Variants in PLA2G7 observed in about 807,000 individuals in gnomAD.
PLA2G7 encodes the protein platelet-activating factor acetylhydrolase.
A neutral mutation model predicts 49.6 loss-of-function variants in PLA2G7; 63 were observed. The observed-to-expected ratio is 1.27, with a 90% CI of 1.04 to 1.57. The LOEUF (loss-of-function observed/expected upper bound fraction) is 1.57, where lower values mean the gene tolerates loss of function less well. Among genes scored for constraint, PLA2G7 ranks in the 40% most tolerant of loss-of-function variants. The probability of loss-of-function intolerance (pLI) is 0.00; values close to 1 mark genes in which losing one functional copy is unlikely to be tolerated. For missense variants in PLA2G7, 596 were observed against 521.2 expected, an observed-to-expected ratio of 1.14 and a Z score of -1.40; for synonymous variants, 193 against 169.9, an observed-to-expected ratio of 1.14 and a Z score of -1.06.
At chr6:46,719,589 C>T (rs920832746) in intron 2 of PLA2G7, among the ~76,000 whole-genome samples, 1 of 152,052 alleles carries the variant, frequency 6.6e-6, no homozygotes, top group African/African-American at 2.4e-5. Context: ...ATGAACAAAC[C>T]CTGTGAATTG....
At chr6:46,733,362 C>A (rs1367965069) in intron 1 of PLA2G7, among the ~76,000 whole-genome samples, 1 of 152,204 alleles carries the variant, frequency 6.6e-6, no homozygotes, top group African/African-American at 2.4e-5. Context: ...CCCTTCCACA[C>A]CTCAGAAGGG....
chr6:46,710,541 T>G lies in PLA2G7; in HGVS notation c.777+4A>C. 1 of 1,545,806 alleles carries G rather than the reference T, an allele frequency of 6.5e-7. No individual in the cohort carries two copies. Among genetic ancestry groups the G allele is most frequent in the Non-Finnish European group, 8.9e-7 (1 of 1,117,834 alleles). On this transcript the variant is annotated splice_donor_region_variant and intron_variant, in intron 8 of 11. Transcript: ENST00000274793. The stretch of plus-strand genomic sequence containing the variant: ...CAAGAGAAAAATTACTTTTTATAGC[T>G]TACCTTCAGTTGTTCCATATCAAAC...
chr6:46,726,491 C>A (rs1241179347), intron 1 of PLA2G7, among the ~76,000 whole-genome samples: 1 of 152,120 alleles, frequency 6.6e-6, no homozygotes, highest in Non-Finnish European at 1.5e-5. Context: ...TATTTAAGAA[C>A]TAGGACCCTG....
intron 10 of PLA2G7, among the ~76,000 whole-genome samples, chr6:46,707,475 G>T (rs922767804): frequency 7.2e-5 from 11 of 152,170 alleles, no homozygotes; most frequent in African/African-American, 2.4e-4. Flanking sequence ...GTTTCTCATG[G>T]TTTCACACCA....
At chr6:46,734,215 C>T (rs1765818992) in intron 1 of PLA2G7, among the ~76,000 whole-genome samples, 1 of 152,024 alleles carries the variant, frequency 6.6e-6, no homozygotes, top group African/African-American at 2.4e-5. Context: ...ATCTGGCCGG[C>T]AGGGGGATGC....
chr6:46,717,879 A>C (rs1194455076), intron 2 of PLA2G7, among the ~76,000 whole-genome samples: 4 of 151,786 alleles, frequency 2.6e-5, no homozygotes, highest in Non-Finnish European at 5.9e-5. Flanking sequence ...CACCATGCCC[A>C]GCTAATTTTT....
rs144067869 is a variant in PLA2G7, at chr6:46,709,433, A to G, written c.778-15T>C. On this transcript the variant is annotated splice_polypyrimidine_tract_variant and intron_variant, in intron 8 of 11. Coordinates refer to ENST00000274793, the MANE Select transcript of PLA2G7 (RefSeq NM_005084.4). ...TCAATAGAGTCCTATTTGAAAAAGC[A>G]TGATATAAATTTATAGCTATTTCGT... 1,215 of 1,385,988 alleles carry G rather than the reference A, an allele frequency of 8.8e-4. 1 individual carries two copies. Among genetic ancestry groups the G allele is most frequent in the Non-Finnish European group, 1.2e-3 (1,130 of 972,628 alleles). 85.9% of individuals were successfully genotyped at this position (1,385,988 alleles called of 1,614,324 possible).
At chr6:46,713,912 T>G (rs1308680493) in intron 5 of PLA2G7, among the ~76,000 whole-genome samples, 1 of 152,202 alleles carries the variant, frequency 6.6e-6, no homozygotes, top group Non-Finnish European at 1.5e-5. Flanking sequence ...TACAGGACTC[T>G]TGATAAGCAA....
intron 9 of PLA2G7, 26 bp from the exon 10 acceptor site, chr6:46,708,187 A>AAATTAAAC (rs1764895782): frequency 1.3e-6 from 2 of 1,575,330 alleles, no homozygotes; most frequent in African/African-American, 1.3e-5. Context: ...GACAATGATG[A>AAATTAAAC]AATTAAACTG....
chr6:46,726,142 C>T (rs1185218132), intron 1 of PLA2G7, among the ~76,000 whole-genome samples: 2 of 152,190 alleles, frequency 1.3e-5, no homozygotes, highest in African/African-American at 4.8e-5. Context: ...AGGACCCTTC[C>T]CTGAATAAGG....
At chr6:46,711,928 CTT>C (rs921854398) in intron 6 of PLA2G7, among the ~76,000 whole-genome samples, 10 of 152,244 alleles carry the variant, frequency 6.6e-5, no homozygotes, top group Admixed American at 4.6e-4. Context: ...AGTTGTGTGA[CTT>C]TGGGCAAATT....
At chr6:46,721,556 T>A (rs183449484) in intron 2 of PLA2G7, among the ~76,000 whole-genome samples, 1 of 151,470 alleles carries the variant, frequency 6.6e-6, no homozygotes, top group East Asian at 1.9e-4. Flanking sequence ...CGAATGATGA[T>A]TTTCCCACCA....
Position 46,708,076 on chromosome 6 carries a change from A to C in PLA2G7, c.955T>G (p.Ser319Ala). Residue 319 changes from serine (S) to alanine (A), a missense_variant, in exon 10 of 12, where the codon TCT becomes GCT. Transcript: ENST00000274793. ...RIPQPLFFIN[S>A]EYFQYPANII... The stretch of plus-strand genomic sequence containing the variant: ...TTAGCAGGATATTGGAAATATTCAG[A>C]GTTGATAAAAAAGAGGGGCTGAGGA... 1 of 1,602,802 alleles carries C rather than the reference A, an allele frequency of 6.2e-7. No individual in the cohort carries two copies. Among genetic ancestry groups the C allele is most frequent in the Non-Finnish European group, 8.5e-7 (1 of 1,169,932 alleles).
chr6:46,719,629 G>A (rs146736282), intron 2 of PLA2G7, among the ~76,000 whole-genome samples: 26 of 152,240 alleles, frequency 1.7e-4, no homozygotes, highest in Middle Eastern at 3.4e-3. Context: ...CAGATTTCAG[G>A]TGTACCTCTT....
chr6:46,723,583 C>T (rs2150708119), intron 1 of PLA2G7, among the ~76,000 whole-genome samples: 1 of 152,266 alleles, frequency 6.6e-6, no homozygotes, highest in Non-Finnish European at 1.5e-5. Flanking sequence ...TATAATTAGT[C>T]TGTATGCTAA....
At chr6:46,734,974 T>G (rs1360452957) in intron 1 of PLA2G7, among the ~76,000 whole-genome samples, 1 of 152,184 alleles carries the variant, frequency 6.6e-6, no homozygotes, top group East Asian at 1.9e-4. Context: ...AACTGGTGTC[T>G]AATACCGTCA....
chr6:46,704,462 TCTCTCTCTCTCTCTCTCACACACACA>T lies in PLA2G7; in HGVS notation c.*72_*97del. The stretch of plus-strand genomic sequence containing the variant: ...AAAATTCTCTCTCTCTCTCTCTCTC[TCTCTCTCTCTCTCTCTCACACACACA>T]CACACACACACACACACACACATAA... On this transcript the variant is annotated 3_prime_UTR_variant, in exon 12 of 12. Coordinates refer to ENST00000274793, the MANE Select transcript of PLA2G7 (RefSeq NM_005084.4). 4 of 617,496 alleles carry T rather than the reference TCTCTCTCTCTCTCTCTCACACACACA, an allele frequency of 6.5e-6. No individual in the cohort carries two copies. The African/African-American group carries it at 1.0e-4, about 16-fold the overall frequency. 38.3% of individuals were successfully genotyped at this position (617,496 alleles called of 1,614,324 possible).
At chr6:46,718,612 A>G (rs778172816) in intron 2 of PLA2G7, among the ~76,000 whole-genome samples, 3 of 152,326 alleles carry the variant, frequency 2.0e-5, no homozygotes, top group African/African-American at 4.8e-5. Flanking sequence ...GCTACTGCCT[A>G]TGCTTAAATC....
At position 46,732,799 on chromosome 6, in the gene PLA2G7, G is replaced by A. The variant is rs542835325; in HGVS notation, c.-35+2381C>T. Among the ~76,000 whole-genome samples the A allele has an allele frequency of 1.1e-4, 16 of 152,282 alleles. No individual in the cohort carries two copies. In the South Asian group the frequency reaches 3.1e-3, roughly 30 times the overall value. On this transcript the variant is annotated intron_variant, in intron 1 of 11. Coordinates refer to ENST00000274793, the MANE Select transcript of PLA2G7 (RefSeq NM_005084.4). ...GGGCACATAATGTGTCTAACAGGTG[G>A]CTGGCGTCATGAAGAAAGTCAGTAA...
Sources: gnomAD v4.1 joint callset for allele counts (sites outside exome capture counted in the v4.1 genomes callset) on GRCh38, gnomAD v4.1.1 for gene constraint, MANE v1.5 for transcripts, NCBI Gene and HGNC (gene_info 2026-07-23, HGNC 2026-07-21) for gene names.